Variants in USP30 observed in about 807,000 individuals in gnomAD.
USP30 encodes ubiquitin carboxyl-terminal hydrolase 30.
In USP30, 41 loss-of-function variants were observed where a neutral mutation model predicts 68.2. The observed-to-expected ratio is 0.60, with a 90% CI of 0.47 to 0.78. USP30 has a LOEUF of 0.78. USP30 is among the 30% of genes least tolerant of loss of function. The pLI is 0.00. For synonymous variants in USP30, 229 were observed against 253.7 expected (o/e 0.90, Z 0.93); for missense variants, 522 against 649.4 (o/e 0.80, Z 2.13).
At chr12:109,023,214 G>A (rs1242264323) in intron 1 of USP30, 2 of 152,120 alleles carry the variant, frequency 1.3e-5, no homozygotes, top group African/African-American at 4.8e-5. Context: ...GTGTCAGGTG[G>A]GGCTCTCTAG....
At chr12:109,080,961 T>A (rs955161701) in intron 7 of USP30, among the ~76,000 whole-genome samples, 72 of 152,254 alleles carry the variant, frequency 4.7e-4, no homozygotes, top group African/African-American at 1.7e-3. Flanking sequence ...CACCTAAGGA[T>A]GCATTTCTCA....
intron 3 of USP30, among the ~76,000 whole-genome samples, chr12:109,066,126 C>T (rs1003935838): frequency 1.3e-5 from 2 of 152,118 alleles, no homozygotes; most frequent in African/African-American, 4.8e-5. Context: ...AGGACATGTG[C>T]CTGTAGTCCC....
chr12:109,074,246 A>G (rs142149416), intron 7 of USP30, among the ~76,000 whole-genome samples: 7 of 152,324 alleles, frequency 4.6e-5, no homozygotes, highest in Non-Finnish European at 1.0e-4. Flanking sequence ...CATTACATGG[A>G]TCTACAACAT....
intron 11 of USP30, among the ~76,000 whole-genome samples, chr12:109,083,798 A>G (rs954327111): frequency 6.6e-6 from 1 of 152,094 alleles, no homozygotes; most frequent in Non-Finnish European, 1.5e-5. Context: ...CTCACACCCC[A>G]TACTTTCCTA....
At position 109,070,190 on chromosome 12, in the gene USP30, A is replaced by C. The variant is rs1404568354; in HGVS notation, c.481-1422A>C. Among the ~76,000 whole-genome samples the C allele has an allele frequency of 6.6e-6, 1 of 152,156 alleles. No individual in the cohort carries two copies. Among genetic ancestry groups the C allele is most frequent in the East Asian group, 1.9e-4 (1 of 5,198 alleles). On this transcript the variant is annotated intron_variant, in intron 4 of 12. Transcript: ENST00000257548. This position sits in a 1 kb window ranked among gnomAD's most constrained non-coding sequence, Gnocchi z 4.0. ...GAGAGGAAAGGTGGGAGGCCGCTGC[A>C]GTTATCTGGCCGAGATGGTGTGGCT...
intron 1 of USP30, among the ~76,000 whole-genome samples, chr12:109,023,710 T>A (rs898387235): frequency 2.2e-5 from 3 of 136,022 alleles, no homozygotes; most frequent in Non-Finnish European, 1.6e-5. Context: ...CTCGGCTCAC[T>A]GCTACCTCCA....
chr12:109,028,618 C>CG (rs2040460961), intron 3 of USP30, among the ~76,000 whole-genome samples: 1 of 152,132 alleles, frequency 6.6e-6, no homozygotes. Context: ...GCTGAGATTA[C>CG]AGGCGTGTGC....
At position 109,081,933 on chromosome 12, in the gene USP30, G is replaced by T; in HGVS notation, c.781G>T (p.Gly261Cys). 6.2e-7 allele frequency: 1 copy of T among 1,614,034 alleles called. No homozygotes were observed. Among genetic ancestry groups the T allele is most frequent in the African/African-American group, 1.3e-5 (1 of 75,006 alleles). Residue 261 changes from glycine (G) to cysteine (C), a missense_variant and splice_region_variant, in exon 9 of 13, where the codon GGT (glycine) becomes TGT (cysteine). Gly to Cys is a radical substitution (Grantham distance 159). Transcript: ENST00000257548. Reference protein sequence around the residue: ...LSLSIPAATWGHPLTLDHCLH... With the variant: ...LSLSIPAATWCHPLTLDHCLH... Reference sequence around the variant, plus strand: ...TAATTTTCTTCTTCTCATGCTGTAGGGTCACCCATTGACCCTGGACCACTG... The same window carrying T: ...TAATTTTCTTCTTCTCATGCTGTAGTGTCACCCATTGACCCTGGACCACTG...
At chr12:109,066,192 C>T (rs755109701) in intron 3 of USP30, among the ~76,000 whole-genome samples, 1 of 140,572 alleles carries the variant, frequency 7.1e-6, no homozygotes, top group Non-Finnish European at 1.5e-5. Context: ...GTCAAGGCTG[C>T]AGTGAGCCAA....
Position 109,085,417 on chromosome 12 carries a change from A to T in USP30, c.1290-250A>T, listed in dbSNP as rs539059812. Among the ~76,000 whole-genome samples the T allele has an allele frequency of 1.5e-4, 23 of 152,326 alleles. No homozygotes were observed. The East Asian group carries it at 3.5e-3, about 23-fold the overall frequency. On this transcript the variant is annotated intron_variant, in intron 12 of 12. Coordinates refer to ENST00000257548, the MANE Select transcript of USP30 (RefSeq NM_032663.5). ...CTATAAAGTTGTACATCACACATAC[A>T]TATAGTGTACATAAACACATACACT... is the stretch of plus-strand genomic sequence containing the variant.
chr12:109,031,616 T>C lies in USP30; in HGVS notation c.-136+4060T>C, dbSNP rs116871037. Among the ~76,000 whole-genome samples, 436 of 152,342 alleles carry C rather than the reference T, an allele frequency of 2.9e-3. 3 individuals are homozygous for C. The highest frequency in any genetic ancestry group is 4.6e-3 in the Non-Finnish European group (313 of 68,034). On this transcript the variant is annotated intron_variant, in intron 3 of 15. Transcript: ENST00000392784. Reference sequence around the variant, plus strand: ...AGCAACCCATGTGTCCATCAATAGATGAATGGATAAACAAAATGTGGTCTA... The same window carrying C: ...AGCAACCCATGTGTCCATCAATAGACGAATGGATAAACAAAATGTGGTCTA...
chr12:109,064,822 G>C (rs142419114), intron 3 of USP30, among the ~76,000 whole-genome samples: 269 of 151,902 alleles, frequency 1.8e-3, no homozygotes, highest in African/African-American at 6.3e-3. Flanking sequence ...TAGTATTTTA[G>C]ACAAAGTTGG....
chr12:109,067,705 T>C (rs2041304459), intron 4 of USP30, 78 bp downstream of exon 4: 3 of 1,239,674 alleles, frequency 2.4e-6, no homozygotes, highest in Non-Finnish European at 2.3e-6. Context: ...TAAAATTGCC[T>C]GGCCCCAGTG....
chr12:109,043,140 G>T (rs1490143768), intron 3 of USP30, among the ~76,000 whole-genome samples: 1 of 152,172 alleles, frequency 6.6e-6, no homozygotes, highest in Non-Finnish European at 1.5e-5. Context: ...TGGATTGGAA[G>T]AATTAATATC....
At chr12:109,024,301 A>C (rs1418576077) in intron 1 of USP30, among the ~76,000 whole-genome samples, 1 of 152,098 alleles carries the variant, frequency 6.6e-6, no homozygotes, top group Non-Finnish European at 1.5e-5. Flanking sequence ...TCTATCATCC[A>C]GGCTGGAGTG....
intron 3 of USP30, among the ~76,000 whole-genome samples, chr12:109,034,088 C>G (rs746369212): frequency 6.6e-6 from 1 of 152,128 alleles, no homozygotes; most frequent in Non-Finnish European, 1.5e-5. Flanking sequence ...GAAAAGCTCT[C>G]AAACAAAAAC....
intron 4 of USP30, among the ~76,000 whole-genome samples, chr12:109,069,450 A>G (rs2041360844): frequency 6.6e-6 from 1 of 152,240 alleles, no homozygotes; most frequent in Non-Finnish European, 1.5e-5. Flanking sequence ...TGAGTCCCTC[A>G]GGGGCTAGAG....
chr12:109,082,893 C>G lies in USP30; in HGVS notation c.999C>G (p.His333Gln), dbSNP rs758580089. ...TACAGCGGCTGAGCTGGTCCAGCCA[C>G]GGCACGCCTCTGAAGCGGCATGAGC... ...IHLQRLSWSS[H>Q]GTPLKRHEHV... Residue 333 changes from histidine (H) to glutamine (Q), a missense_variant, in exon 11 of 13, where the codon CAC (histidine) becomes CAG (glutamine). Coordinates refer to ENST00000257548, the MANE Select transcript of USP30 (RefSeq NM_032663.5). 1 of 1,614,234 alleles carries G rather than the reference C, an allele frequency of 6.2e-7. No individual in the cohort carries two copies. The highest frequency in any genetic ancestry group is 2.2e-5 in the East Asian group (1 of 44,890).
At chr12:109,065,693 T>C (rs1255578164) in intron 3 of USP30, among the ~76,000 whole-genome samples, 1 of 152,202 alleles carries the variant, frequency 6.6e-6, no homozygotes, top group African/African-American at 2.4e-5. Flanking sequence ...CACAAGGATC[T>C]CTATCTCCAG....
Sources: allele counts gnomAD v4.1 joint callset (sites outside exome capture counted in the v4.1 genomes callset), GRCh38; gene constraint gnomAD v4.1.1; non-coding constraint Gnocchi (gnomAD v3.1); transcripts MANE v1.5; gene names NCBI Gene and HGNC (gene_info 2026-07-23, HGNC 2026-07-21).